Variants in CFAP210 observed in about 807,000 individuals in gnomAD.
The protein encoded by CFAP210 is cilia- and flagella- associated protein 210.
At chr2:169,667,345 G>A in the CFAP210 span, among the ~76,000 whole-genome samples, 1 of 151,914 alleles carries the variant, frequency 6.6e-6, no homozygotes, top group African/African-American at 2.4e-5. Context: ...CACCATGTTG[G>A]CCAGGCTGGT....
the CFAP210 span, among the ~76,000 whole-genome samples, chr2:169,660,518 T>G: frequency 0.41 from 61,222 of 150,300 alleles, 12,783 homozygotes; most frequent in Non-Finnish European, 0.44. Context: ...TTGGTTTGTG[T>G]CTAGGGATTT....
chr2:169,647,294 TGAG>T, the CFAP210 span, among the ~76,000 whole-genome samples: 1 of 152,002 alleles, frequency 6.6e-6, no homozygotes, highest in Non-Finnish European at 1.5e-5. Flanking sequence ...AGAAAAATAT[TGAG>T]GGAACAGAAA....
the CFAP210 span, chr2:169,649,392 AC>A: frequency 6.5e-7 from 1 of 1,537,788 alleles, no homozygotes; most frequent in Non-Finnish European, 8.9e-7. Flanking sequence ...AGTTATAGCA[AC>A]CAGTCTTGTC....
chr2:169,672,785 G>A, the CFAP210 span, among the ~76,000 whole-genome samples: 19 of 152,084 alleles, frequency 1.2e-4, no homozygotes, highest in Admixed American at 1.2e-3. Context: ...TGACTCAAAT[G>A]TCTGTCTCCT....
At chr2:169,654,781 AAT>A in the CFAP210 span, among the ~76,000 whole-genome samples, 4 of 151,438 alleles carry the variant, frequency 2.6e-5, no homozygotes, top group Non-Finnish European at 5.9e-5. Flanking sequence ...AAATACACCA[AAT>A]ATATATATAT....
the CFAP210 span, among the ~76,000 whole-genome samples, chr2:169,663,541 T>C: frequency 6.6e-6 from 1 of 152,062 alleles, no homozygotes; most frequent in African/African-American, 2.4e-5. Context: ...AAACATTTTT[T>C]ACTGGAGTCC....
the CFAP210 span, chr2:169,646,180 G>T: frequency 6.3e-7 from 1 of 1,598,346 alleles, no homozygotes; most frequent in South Asian, 1.1e-5. Flanking sequence ...ACTTATTTTT[G>T]GCCTATTTGG....
At chr2:169,674,270 C>T in the CFAP210 span, among the ~76,000 whole-genome samples, 1 of 152,202 alleles carries the variant, frequency 6.6e-6, no homozygotes, top group African/African-American at 2.4e-5. Flanking sequence ...GCCAGTCCTA[C>T]AGCTTGAAGA....
chr2:169,662,929 G>A, the CFAP210 span, among the ~76,000 whole-genome samples: 8 of 152,326 alleles, frequency 5.3e-5, no homozygotes, highest in East Asian at 1.5e-3. Context: ...AATTTCTTCT[G>A]AATTGTGAGC....
chr2:169,690,936 T>C, the CFAP210 span, among the ~76,000 whole-genome samples: 2 of 152,306 alleles, frequency 1.3e-5, no homozygotes, highest in African/African-American at 4.8e-5. Context: ...TTGTGTGATG[T>C]TTTTCATCAA....
At chr2:169,689,479 C>T in the CFAP210 span, among the ~76,000 whole-genome samples, 22 of 152,308 alleles carry the variant, frequency 1.4e-4, no homozygotes, top group East Asian at 3.3e-3. Context: ...TCTTTCAATG[C>T]CACTAAACTT....
At chr2:169,694,326 A>T in the CFAP210 span, 1 of 1,613,968 alleles carries the variant, frequency 6.2e-7, no homozygotes, top group Admixed American at 1.7e-5. Flanking sequence ...CGAGGTGTCC[A>T]TGATGCTCCT....
chr2:169,651,100 G>A, the CFAP210 span, among the ~76,000 whole-genome samples: 37 of 151,390 alleles, frequency 2.4e-4, no homozygotes, highest in Non-Finnish European at 4.7e-4. Flanking sequence ...GGTGGCAGGC[G>A]CCTGTAATCC....
chr2:169,649,127 AT>A, the CFAP210 span: 1 of 1,446,436 alleles, frequency 6.9e-7, no homozygotes, highest in Non-Finnish European at 9.3e-7. Flanking sequence ...ACTAGCATGA[AT>A]TCTGTATTAT....
At chr2:169,684,077 C>T in the CFAP210 span, among the ~76,000 whole-genome samples, 1 of 152,108 alleles carries the variant, frequency 6.6e-6, no homozygotes, top group South Asian at 2.1e-4. Context: ...TCCTACCCCA[C>T]AGTAGCTCTC....
chr2:169,649,783 T>C, the CFAP210 span, among the ~76,000 whole-genome samples: 2 of 151,802 alleles, frequency 1.3e-5, no homozygotes, highest in South Asian at 4.2e-4. Flanking sequence ...AATACAAAAT[T>C]AGCCAGTCAT....
chr2:169,688,987 T>C, the CFAP210 span, among the ~76,000 whole-genome samples: 397 of 152,346 alleles, frequency 2.6e-3, 4 homozygotes, highest in African/African-American at 9.1e-3. Flanking sequence ...CAGTTCCACA[T>C]GGCTGGGGAG....
the CFAP210 span, among the ~76,000 whole-genome samples, chr2:169,665,372 T>C: frequency 1.4e-4 from 22 of 152,140 alleles, no homozygotes; most frequent in African/African-American, 5.3e-4. Context: ...TGCAACCTCA[T>C]AGTTCACTGC....
chr2:169,649,345 A>T, the CFAP210 span: 1 of 1,607,910 alleles, frequency 6.2e-7, no homozygotes, highest in Non-Finnish European at 8.5e-7. Flanking sequence ...TTTATTTTTC[A>T]TCTAGATGTT....
Sources: allele counts gnomAD v4.1 joint callset (sites outside exome capture counted in the v4.1 genomes callset), GRCh38; gene constraint gnomAD v4.1.1; transcripts MANE v1.5; gene names NCBI Gene and HGNC (gene_info 2026-07-23, HGNC 2026-07-21).